Variants in KBTBD11 observed in about 807,000 individuals in gnomAD.
KBTBD11 encodes kelch repeat and BTB domain-containing protein 11.
For synonymous variants in KBTBD11, 747 were observed against 499.0 expected, an observed-to-expected ratio of 1.50 and a Z score of -6.63; for missense variants, 1,390 against 1,001.8, an observed-to-expected ratio of 1.39 and a Z score of -5.23.
intron 1 of KBTBD11, among the ~76,000 whole-genome samples, chr8:1,984,080 A>G (rs1361481821): frequency 2.6e-5 from 4 of 152,224 alleles, no homozygotes; most frequent in African/African-American, 9.6e-5. Context: ...CAGTGAGCCA[A>G]GATCGCGCCA....
Position 1,980,935 on chromosome 8 carries a change from C to T in KBTBD11, c.-909+7000C>T, listed in dbSNP as rs561577065. On this transcript the variant is annotated intron_variant, in intron 1 of 1. Coordinates refer to ENST00000320248, the MANE Select transcript of KBTBD11 (RefSeq NM_014867.3). ...TTCATGGGATTTGTGGAAATCTTTGCGAATGGTTGGATCACAGACTTCTTC... is the reference window on the plus strand; with the variant it reads ...TTCATGGGATTTGTGGAAATCTTTGTGAATGGTTGGATCACAGACTTCTTC... Among the ~76,000 whole-genome samples, 18 of 152,272 alleles carry T rather than the reference C, an allele frequency of 1.2e-4. No homozygotes were observed. The South Asian group carries it at 1.4e-3, about 12-fold the overall frequency.
At chr8:1,981,873 C>G (rs1334764758) in intron 1 of KBTBD11, among the ~76,000 whole-genome samples, 4 of 152,166 alleles carry the variant, frequency 2.6e-5, no homozygotes, top group Non-Finnish European at 5.9e-5. Context: ...AGGCCTCTGA[C>G]AATAAACTGA....
intron 1 of KBTBD11, among the ~76,000 whole-genome samples, chr8:1,985,918 G>A (rs1048083742): frequency 6.6e-6 from 1 of 152,192 alleles, no homozygotes; most frequent in Non-Finnish European, 1.5e-5. Context: ...CAGTCTCAAG[G>A]TATAATTGTA....
chr8:1,987,233 T>TA (rs1180712409), intron 1 of KBTBD11, among the ~76,000 whole-genome samples: 3 of 152,136 alleles, frequency 2.0e-5, no homozygotes, highest in Non-Finnish European at 4.4e-5. Context: ...AAAATATACA[T>TA]AAATAGAATT....
In KBTBD11 at chr8:2,002,462, A is replaced by C; in HGVS notation, c.1270A>C (p.Ser424Arg). 6.6e-7 allele frequency: 1 copy of C among 1,508,888 alleles called. No individual in the cohort carries two copies. Among genetic ancestry groups the C allele is most frequent in the Admixed American group, 2.1e-5 (1 of 47,782 alleles). The allele number at this position is 1,508,888 out of a possible 1,614,324, so 93.5% of individuals were successfully genotyped here. ...CGCCGTGGGCGGCGAGTGCCTGCTCAGCGTGGAGCGCTACGACCCGCGCGC... is the reference window on the plus strand; with the variant it reads ...CGCCGTGGGCGGCGAGTGCCTGCTCCGCGTGGAGCGCTACGACCCGCGCGC... Reference protein sequence around the residue: ...LYAVGGECLLSVERYDPRADR... With the variant: ...LYAVGGECLLRVERYDPRADR... Residue 424 changes from serine (S) to arginine (R), a missense_variant, in exon 2 of 2, where the codon AGC becomes CGC. By Grantham distance (110) the Ser-to-Arg change is moderately radical (BLOSUM62 -1). Transcript: ENST00000320248. The surrounding 1 kb of genome is among the most constrained non-coding windows in gnomAD (Gnocchi z 4.1).
At chr8:1,979,660 T>G (rs982374434) in intron 1 of KBTBD11, among the ~76,000 whole-genome samples, 3 of 152,190 alleles carry the variant, frequency 2.0e-5, no homozygotes, top group African/African-American at 7.2e-5. Context: ...ACATTTGGAC[T>G]GTGATTGACT....
chr8:1,994,248 C>T (rs745557340), intron 1 of KBTBD11, among the ~76,000 whole-genome samples: 6 of 151,380 alleles, frequency 4.0e-5, no homozygotes, highest in Non-Finnish European at 7.3e-5. Flanking sequence ...GCTGGTGGAG[C>T]GAGGCCGGGC....
chr8:1,976,165 C>G (rs374747289), intron 1 of KBTBD11: 1 of 152,144 alleles, frequency 6.6e-6, no homozygotes, highest in Non-Finnish European at 1.5e-5. Context: ...GCCCGGAGAA[C>G]AGCGGGTTTC....
chr8:2,005,843 T>C lies in KBTBD11; in HGVS notation c.*2779T>C, dbSNP rs1585771255. The C allele has an allele frequency of 6.0e-6, 1 of 167,130 alleles. No individual in the cohort carries two copies. The highest frequency in any genetic ancestry group is 1.5e-5 in the Non-Finnish European group (1 of 68,130). 10.4% of individuals were successfully genotyped at this position (167,130 alleles called of 1,614,324 possible). A position where few individuals can be genotyped will look rare whatever the true frequency, so the allele number is the denominator to read the frequency against. Reference sequence around the variant, plus strand: ...GTGGTGTCTTTTGGGGAAAATGTTATGCATGGAAGCCTGACCTTTTGCTTA... The same window carrying C: ...GTGGTGTCTTTTGGGGAAAATGTTACGCATGGAAGCCTGACCTTTTGCTTA... On this transcript the variant is annotated 3_prime_UTR_variant, in exon 2 of 2. Coordinates refer to ENST00000320248, the MANE Select transcript of KBTBD11 (RefSeq NM_014867.3).
rs957293598 is a variant in KBTBD11, at chr8:1,986,943, C to G, written c.-909+13008C>G. ...ATCTCAGCTCTTCAGGAGGCTGATG[C>G]AGGAGGACCAGGGGAGCCCAGGAGT... On this transcript the variant is annotated intron_variant, in intron 1 of 1. Transcript: ENST00000320248. Among the ~76,000 whole-genome samples, 12 of 136,744 alleles carry G rather than the reference C, an allele frequency of 8.8e-5. No homozygotes were observed. The Admixed American group carries it at 9.9e-4, about 11-fold the overall frequency. The allele number at this position is 136,744 out of a possible 152,430, so 89.7% of individuals were successfully genotyped here.
rs1816203684 is a variant in KBTBD11 at position 1,973,781 on chromosome 8, G to T, written c.-1063G>T. On this transcript the variant is annotated 5_prime_UTR_variant, in exon 1 of 2. Transcript: ENST00000320248. ...CCGCCCCCTCTGCCGCCCACGCCCC[G>T]CTGCGGGTCGGAGGAGCAGCTCCCG... 1 of 983,766 alleles carries T rather than the reference G, an allele frequency of 1.0e-6. No individual in the cohort carries two copies. The highest frequency in any genetic ancestry group is 1.2e-6 in the Non-Finnish European group (1 of 829,330). The allele number at this position is 983,766 out of a possible 1,614,324, so 60.9% of individuals were successfully genotyped here.
At chr8:1,974,649 C>T in intron 1 of KBTBD11, 1 of 985,400 alleles carries the variant, frequency 1.0e-6, no homozygotes, top group African/African-American at 1.7e-5. Flanking sequence ...CCGGGCGCCC[C>T]TTGCAGCCCC....
intron 1 of KBTBD11, among the ~76,000 whole-genome samples, chr8:1,999,870 A>G (rs754231727): frequency 1.3e-5 from 2 of 152,242 alleles, no homozygotes; most frequent in Non-Finnish European, 2.9e-5. Context: ...AAATCACACA[A>G]TCCAGTCATG....
Position 2,002,288 on chromosome 8 carries a change from G to A in KBTBD11, c.1096G>A (p.Gly366Ser). Residue 366 changes from glycine to serine, a missense_variant, in exon 2 of 2, where the codon GGC (glycine) becomes AGC (serine). Physicochemically the swap from Gly to Ser is moderately conservative, Grantham distance 56 (BLOSUM62 0). Coordinates refer to ENST00000320248, the MANE Select transcript of KBTBD11 (RefSeq NM_014867.3). The surrounding 1 kb of genome is among the most constrained non-coding windows in gnomAD (Gnocchi z 4.1). The part of the protein sequence containing the change: ...VLYNYLFVAG[G>S]VAPAGPDGRA... ...CTACAACTACCTCTTCGTGGCGGGC[G>A]GCGTGGCGCCCGCGGGCCCCGACGG... 7.5e-7 allele frequency: 1 copy of A among 1,326,846 alleles called. No individual in the cohort carries two copies. Among genetic ancestry groups the A allele is most frequent in the Non-Finnish European group, 9.5e-7 (1 of 1,047,412 alleles). The allele number at this position is 1,326,846 out of a possible 1,614,324, so 82.2% of individuals were successfully genotyped here. A position where few individuals can be genotyped will look rare whatever the true frequency, so the allele number is the denominator to read the frequency against.
At chr8:1,981,037 C>A (rs927722466) in intron 1 of KBTBD11, among the ~76,000 whole-genome samples, 7 of 152,196 alleles carry the variant, frequency 4.6e-5, no homozygotes, top group African/African-American at 1.7e-4. Flanking sequence ...CGTCTGGTTT[C>A]TAATTTTAGC....
chr8:2,002,114 G>A lies in KBTBD11; in HGVS notation c.922G>A (p.Ala308Thr). ...AAALGPAGERAGSRPQSPSGD... is the reference protein window; with the variant it reads ...AAALGPAGERTGSRPQSPSGD... ...GGCGCTCGGGCCGGCGGGGGAGCGC[G>A]CGGGCAGCCGGCCTCAGAGCCCCTC... Residue 308 changes from alanine to threonine, a missense_variant, in exon 2 of 2, where the codon GCG becomes ACG. Physicochemically the swap from Ala to Thr is moderately conservative, Grantham distance 58. Transcript: ENST00000320248. The surrounding 1 kb of genome is among the most constrained non-coding windows in gnomAD (Gnocchi z 4.1). 6 of 1,100,324 alleles carry A rather than the reference G, an allele frequency of 5.5e-6. No individual in the cohort carries two copies. Among genetic ancestry groups the A allele is most frequent in the Non-Finnish European group, 6.6e-6 (6 of 906,678 alleles). The allele number at this position is 1,100,324 out of a possible 1,614,324, so 68.2% of individuals were successfully genotyped here.
At chr8:1,999,718 TG>T (rs1817270861) in intron 1 of KBTBD11, among the ~76,000 whole-genome samples, 1 of 152,234 alleles carries the variant, frequency 6.6e-6, no homozygotes. Context: ...TGGCGCCATT[TG>T]GGGTCCTGAA....
In KBTBD11 at chr8:2,004,867, C is replaced by T. The variant is rs1174478951; in HGVS notation, c.*1803C>T. 1 of 166,998 alleles carries T rather than the reference C, an allele frequency of 6.0e-6. No homozygotes were observed. The highest frequency in any genetic ancestry group is 2.4e-5 in the African/African-American group (1 of 41,410). The allele number at this position is 166,998 out of a possible 1,614,324, so 10.3% of individuals were successfully genotyped here. On this transcript the variant is annotated 3_prime_UTR_variant, in exon 2 of 2. Coordinates refer to ENST00000320248, the MANE Select transcript of KBTBD11 (RefSeq NM_014867.3). The stretch of plus-strand genomic sequence containing the variant: ...ATAATGTTCATTTTAAGCAATGTAC[C>T]ATTCACACTGTCCTGCCTTTTCCTC...
intron 1 of KBTBD11, among the ~76,000 whole-genome samples, chr8:1,999,347 C>A (rs1462389163): frequency 6.6e-6 from 1 of 152,080 alleles, no homozygotes; most frequent in Non-Finnish European, 1.5e-5. Flanking sequence ...ATCATTTTAC[C>A]CATCTCACTT....
Sources: allele counts gnomAD v4.1 joint callset (sites outside exome capture counted in the v4.1 genomes callset), GRCh38; gene constraint gnomAD v4.1.1; non-coding constraint Gnocchi (gnomAD v3.1); transcripts MANE v1.5; gene names NCBI Gene and HGNC (gene_info 2026-07-23, HGNC 2026-07-21).